The following SLC25A48 variants were observed in gnomAD, a reference collection of about 807,000 sequenced individuals.
SLC25A48 encodes CTC-321K16.1.
Under a neutral mutation model 32.2 loss-of-function variants are expected in SLC25A48, and 29 were observed. The observed-to-expected ratio is 0.90, with a 90% CI of 0.67 to 1.23. SLC25A48 has a LOEUF of 1.23. SLC25A48 is among the 50% of genes most tolerant of loss of function. SLC25A48 has a pLI of 0.00. For synonymous variants in SLC25A48, 164 were observed against 172.3 expected, an observed-to-expected ratio of 0.95 and a Z score of 0.38; for missense variants, 399 against 422.7, an observed-to-expected ratio of 0.94 and a Z score of 0.49.
At chr5:135,811,196 C>T (rs1301959657) in intron 3 of SLC25A48, among the ~76,000 whole-genome samples, 1 of 152,140 alleles carries the variant, frequency 6.6e-6, no homozygotes, top group African/African-American at 2.4e-5. Flanking sequence ...TTTCCCTATC[C>T]CCACCCCTAG....
intron 3 of SLC25A48, among the ~76,000 whole-genome samples, chr5:135,681,429 C>G (rs1027481829): frequency 6.6e-6 from 1 of 152,172 alleles, no homozygotes; most frequent in Non-Finnish European, 1.5e-5. Context: ...TTTTATCTTA[C>G]ATGTCTCTCC....
chr5:135,863,128 T>C (rs748611166), intron 4 of SLC25A48, among the ~76,000 whole-genome samples: 2 of 152,056 alleles, frequency 1.3e-5, no homozygotes, highest in Non-Finnish European at 2.9e-5. Flanking sequence ...AGGCCAAGCA[T>C]TAGGCATAAG....
intron 3 of SLC25A48, among the ~76,000 whole-genome samples, chr5:135,711,343 G>A (rs1754658258): frequency 6.6e-6 from 1 of 152,176 alleles, no homozygotes; most frequent in Non-Finnish European, 1.5e-5. Flanking sequence ...AGGCACAAGA[G>A]GTGTCCCCAA....
At chr5:135,728,841 T>TACACACACAC (rs33918902) in intron 3 of SLC25A48, among the ~76,000 whole-genome samples, 3,028 of 141,534 alleles carry the variant, frequency 0.021, 52 homozygotes, top group East Asian at 0.082. Flanking sequence ...CATACACAAA[T>TACACACACAC]ACACACACAC....
chr5:135,656,834 G>A (rs1027722188), intron 3 of SLC25A48, among the ~76,000 whole-genome samples: 48 of 152,166 alleles, frequency 3.2e-4, no homozygotes, highest in African/African-American at 9.2e-4. Flanking sequence ...TGGAAGCTGG[G>A]AGGAGGCCAG....
intron 3 of SLC25A48, among the ~76,000 whole-genome samples, chr5:135,675,606 C>T (rs1753749358): frequency 6.6e-6 from 1 of 151,924 alleles, no homozygotes; most frequent in Non-Finnish European, 1.5e-5. Flanking sequence ...TTACTATAAT[C>T]TTGTAATATA....
At chr5:135,871,906 G>A (rs1401723860) in intron 5 of SLC25A48, 188 bp downstream of exon 5, 2 of 1,478,906 alleles carry the variant, frequency 1.4e-6, no homozygotes, top group South Asian at 1.5e-5. Flanking sequence ...CCTTCCCTAT[G>A]CAGCTATGAG....
At chr5:135,752,315 A>T (rs1195930584) in intron 3 of SLC25A48, among the ~76,000 whole-genome samples, 2 of 152,228 alleles carry the variant, frequency 1.3e-5, no homozygotes, top group Non-Finnish European at 2.9e-5. Flanking sequence ...TCACCCCTGT[A>T]ATCCCAGCAC....
At chr5:135,695,693 G>T (rs1754248845) in intron 3 of SLC25A48, among the ~76,000 whole-genome samples, 1 of 152,214 alleles carries the variant, frequency 6.6e-6, no homozygotes, top group Admixed American at 6.5e-5. Context: ...GCTGGAGGCG[G>T]CTGTGTTTCT....
chr5:135,673,109 T>G (rs1412604063), intron 3 of SLC25A48, among the ~76,000 whole-genome samples: 1 of 152,234 alleles, frequency 6.6e-6, no homozygotes. Context: ...TATATCACAA[T>G]GTGTTTTTTA....
At chr5:135,755,415 GT>G (rs1300619144) in intron 3 of SLC25A48, among the ~76,000 whole-genome samples, 1 of 151,812 alleles carries the variant, frequency 6.6e-6, no homozygotes, top group Non-Finnish European at 1.5e-5. Context: ...AAATATCACT[GT>G]GATATTTATC....
chr5:135,595,078 A>G (rs1406005192), intron 1 of SLC25A48, among the ~76,000 whole-genome samples: 2 of 152,122 alleles, frequency 1.3e-5, no homozygotes, highest in African/African-American at 2.4e-5. Flanking sequence ...ACACTGTCTC[A>G]GGCCTCATTT....
chr5:135,688,211 C>T (rs1754062776), intron 3 of SLC25A48, among the ~76,000 whole-genome samples: 1 of 152,194 alleles, frequency 6.6e-6, no homozygotes. Context: ...GGAGTTCTTC[C>T]CTTTTTAAGG....
chr5:135,627,783 G>C (rs1752471609), intron 1 of SLC25A48, among the ~76,000 whole-genome samples: 1 of 5,908 alleles, frequency 1.7e-4, no homozygotes, highest in Non-Finnish European at 2.9e-4. Flanking sequence ...TGTTAGGAGA[G>C]GAGGGCATCA....
intron 2 of SLC25A48, among the ~76,000 whole-genome samples, chr5:135,630,792 G>T (rs541023456): frequency 6.6e-6 from 1 of 151,912 alleles, no homozygotes; most frequent in African/African-American, 2.4e-5. Context: ...AGCAGAGATG[G>T]GGTTTCACCA....
At chr5:135,819,506 T>G (rs1243451741) in intron 4 of SLC25A48, among the ~76,000 whole-genome samples, 1 of 152,230 alleles carries the variant, frequency 6.6e-6, no homozygotes, top group African/African-American at 2.4e-5. Flanking sequence ...TACAAAAGCA[T>G]ACACTTTAGA....
chr5:135,845,020 C>A (rs1392000947), intron 2 of SLC25A48, among the ~76,000 whole-genome samples: 1 of 152,178 alleles, frequency 6.6e-6, no homozygotes, highest in Non-Finnish European at 1.5e-5. Context: ...AATTAGTTTC[C>A]TTGGGCTGCT....
At chr5:135,810,150 T>G (rs1459983199) in intron 3 of SLC25A48, among the ~76,000 whole-genome samples, 1 of 152,162 alleles carries the variant, frequency 6.6e-6, no homozygotes, top group Non-Finnish European at 1.5e-5. Flanking sequence ...AGATGGACCA[T>G]TTTGATGCCA....
chr5:135,793,591 T>C (rs946577325), intron 3 of SLC25A48, among the ~76,000 whole-genome samples: 1 of 151,914 alleles, frequency 6.6e-6, no homozygotes, highest in Non-Finnish European at 1.5e-5. Context: ...ACACCATGTG[T>C]GTATACTTTT....
Sources: gnomAD v4.1 joint callset for allele counts (sites outside exome capture counted in the v4.1 genomes callset) on GRCh38, gnomAD v4.1.1 for gene constraint, MANE v1.5 for transcripts, NCBI Gene and HGNC (gene_info 2026-07-23, HGNC 2026-07-21) for gene names.